LRRN3: variants seen among roughly 807,000 people sequenced by gnomAD.
LRRN3 encodes the protein leucine-rich repeat neuronal protein 3.
Under a neutral mutation model 40.1 loss-of-function variants are expected in LRRN3, and 15 were observed. That is an observed-to-expected ratio of 0.37 (90% CI 0.25 to 0.58). The LOEUF (loss-of-function observed/expected upper bound fraction) is 0.58, where lower values mean the gene tolerates loss of function less well. Among genes scored for constraint, LRRN3 ranks in the 20% least tolerant of loss-of-function variants. The pLI is 0.72. For synonymous variants in LRRN3, 308 were observed against 297.2 expected (o/e 1.04, Z -0.37); for missense variants, 746 against 837.7 (o/e 0.89, Z 1.35).
chr7:111,123,996 G>C lies in LRRN3; in HGVS notation c.1224G>C (p.Arg408=), dbSNP rs778483109. Residue 408 remains arginine, a synonymous_variant, in exon 3 of 3, where the codon CGG becomes CGC. Transcript: ENST00000308478. The surrounding 1 kb of genome is among the most constrained non-coding windows in gnomAD (Gnocchi z 6.4). ...CTGAATTCCAAGGTCAGAATGTTCG[G>C]CAAGTGCATTTCAGGGACATGATGG... ...DPPEFQGQNV[R]QVHFRDMMEI... 6.2e-7 allele frequency: 1 copy of C among 1,614,038 alleles called. No individual in the cohort carries two copies. Among genetic ancestry groups the C allele is most frequent in the Non-Finnish European group, 8.5e-7 (1 of 1,179,978 alleles).
chr7:111,106,552 C>T (rs214884), intron 2 of LRRN3, among the ~76,000 whole-genome samples: 135,365 of 151,492 alleles, frequency 0.89, 60,556 homozygotes, highest in East Asian at 0.93. Context: ...CTCACTGCCC[C>T]AGGCTTGAGT....
intron 1 of LRRN3, among the ~76,000 whole-genome samples, chr7:111,092,958 T>A (rs1159620011): frequency 6.6e-6 from 1 of 152,200 alleles, no homozygotes; most frequent in Non-Finnish European, 1.5e-5. Context: ...ATTTCAGAGC[T>A]ATTATTGGTT....
intron 2 of LRRN3, among the ~76,000 whole-genome samples, chr7:111,113,444 G>A (rs1187260359): frequency 6.6e-6 from 1 of 151,838 alleles, no homozygotes; most frequent in Non-Finnish European, 1.5e-5. Context: ...CTAGAGAGTA[G>A]TGCTTGCAAG....
chr7:111,107,602 A>C (rs1041016605), intron 2 of LRRN3, among the ~76,000 whole-genome samples: 13 of 152,140 alleles, frequency 8.5e-5, no homozygotes, highest in Non-Finnish European at 1.6e-4. Flanking sequence ...TTATCTGAAT[A>C]GAATTTTAGA....
At chr7:111,105,915 C>A (rs1336385056) in intron 2 of LRRN3, among the ~76,000 whole-genome samples, 1 of 151,904 alleles carries the variant, frequency 6.6e-6, no homozygotes, top group Admixed American at 6.6e-5. Context: ...TGTATCAAAT[C>A]TACGCATGAC....
At chr7:111,111,410 C>G (rs570398255) in intron 2 of LRRN3, among the ~76,000 whole-genome samples, 4 of 148,596 alleles carry the variant, frequency 2.7e-5, no homozygotes, top group East Asian at 4.0e-4. Flanking sequence ...CATCCCCCCC[C>G]AAAAAAAAAT....
intron 2 of LRRN3, among the ~76,000 whole-genome samples, chr7:111,113,208 C>G (rs529138853): frequency 6.6e-6 from 1 of 152,262 alleles, no homozygotes; most frequent in East Asian, 1.9e-4. Context: ...TGTCCACAGG[C>G]TTCCTTACCT....
chr7:111,115,043 A>G (rs1266790322), intron 2 of LRRN3, among the ~76,000 whole-genome samples: 1 of 152,168 alleles, frequency 6.6e-6, no homozygotes, highest in African/African-American at 2.4e-5. Flanking sequence ...TTATACTTCA[A>G]TCTAAGATGA....
Position 111,123,560 on chromosome 7 carries a change from A to G in LRRN3, c.788A>G (p.Lys263Arg). 1 of 1,613,770 alleles carries G rather than the reference A, an allele frequency of 6.2e-7. No homozygotes were observed. Among genetic ancestry groups the G allele is most frequent in the East Asian group, 2.2e-5 (1 of 44,848 alleles). Residue 263 changes from lysine to arginine, a missense_variant, in exon 3 of 3, where the codon AAA becomes AGA. Physicochemically the swap from Lys to Arg is conservative, Grantham distance 26 (BLOSUM62 2). Coordinates refer to ENST00000308478, the MANE Select transcript of LRRN3 (RefSeq NM_001099658.2). This position sits in a 1 kb window ranked among gnomAD's most constrained non-coding sequence, Gnocchi z 6.4. Reference protein sequence around the residue: ...HVALQKVVNLKFLDLNKNPIN... With the variant: ...HVALQKVVNLRFLDLNKNPIN... ...GCTCTTCAAAAAGTTGTAAATCTCA[A>G]ATTTTTGGATCTAAATAAAAATCCT...
intron 1 of LRRN3, among the ~76,000 whole-genome samples, chr7:111,099,307 A>G (rs571363975): frequency 6.6e-6 from 1 of 151,794 alleles, no homozygotes; most frequent in African/African-American, 2.4e-5. Context: ...TCTCTTTTAA[A>G]TGATGAAGAT....
chr7:111,120,451 G>GC (rs1158944351), intron 2 of LRRN3, among the ~76,000 whole-genome samples: 5 of 152,038 alleles, frequency 3.3e-5, no homozygotes, highest in African/African-American at 9.7e-5. Context: ...GGGGGAAACT[G>GC]CCCCCATGAT....
chr7:111,121,298 C>T (rs1800582795), intron 2 of LRRN3, among the ~76,000 whole-genome samples: 1 of 152,090 alleles, frequency 6.6e-6, no homozygotes, highest in South Asian at 2.1e-4. Flanking sequence ...TTCTCCCATT[C>T]TGTAGGTTGC....
At chr7:111,097,262 T>A (rs1037749534) in intron 1 of LRRN3, 1 of 151,952 alleles carries the variant, frequency 6.6e-6, no homozygotes, top group African/African-American at 2.4e-5. Context: ...AACAGCAGAA[T>A]GTGTTCTCCA....
rs1253470650 is a variant in LRRN3, at chr7:111,122,682, A to T, written c.-91A>T. On this transcript the variant is annotated 5_prime_UTR_variant, in exon 3 of 3. Coordinates refer to ENST00000308478, the MANE Select transcript of LRRN3 (RefSeq NM_001099658.2). ...CATTCATCATTTGACAAATGCAAGC[A>T]TCTTCCTTATCAATCAGCTCCTATT... 2 of 996,800 alleles carry T rather than the reference A, an allele frequency of 2.0e-6. No homozygotes were observed. Among genetic ancestry groups the T allele is most frequent in the Non-Finnish European group, 3.0e-6 (2 of 663,974 alleles). 61.7% of individuals were successfully genotyped at this position (996,800 alleles called of 1,614,324 possible).
At chr7:111,100,354 A>C (rs1457145213) in intron 2 of LRRN3, among the ~76,000 whole-genome samples, 1 of 150,200 alleles carries the variant, frequency 6.7e-6, no homozygotes, top group Non-Finnish European at 1.5e-5. Context: ...CTCTTTCTAC[A>C]GTTTTAAACT....
intron 2 of LRRN3, among the ~76,000 whole-genome samples, chr7:111,119,767 T>C (rs892906800): frequency 2.6e-5 from 4 of 152,006 alleles, no homozygotes; most frequent in Admixed American, 2.6e-4. Flanking sequence ...GCCCAGAAGA[T>C]AGGATGCAAA....
In LRRN3 at chr7:111,124,528, T is replaced by C. The variant is rs1027721587; in HGVS notation, c.1756T>C (p.Ser586Pro). The C allele has an allele frequency of 1.2e-6, 2 of 1,613,750 alleles. No individual in the cohort carries two copies. The highest frequency in any genetic ancestry group is 8.5e-7 in the Non-Finnish European group (1 of 1,179,856). Residue 586 changes from serine to proline, a missense_variant, in exon 3 of 3, where the codon TCA (serine) becomes CCA (proline). Ser to Pro is a moderately conservative substitution (Grantham distance 74, BLOSUM62 -1). Coordinates refer to ENST00000308478, the MANE Select transcript of LRRN3 (RefSeq NM_001099658.2). ...KVYNLTHLNP[S>P]TEYKICIDIP... The stretch of plus-strand genomic sequence containing the variant: ...ATATAATCTTACTCATCTGAATCCA[T>C]CAACTGAGTATAAAATTTGTATTGA...
At chr7:111,115,138 A>T (rs1799722816) in intron 2 of LRRN3, among the ~76,000 whole-genome samples, 1 of 152,194 alleles carries the variant, frequency 6.6e-6, no homozygotes, top group East Asian at 1.9e-4. Context: ...ATAACAAGGT[A>T]AATAAAAGAG....
chr7:111,124,239 A>G lies in LRRN3; in HGVS notation c.1467A>G (p.Lys489=). 1 of 1,613,994 alleles carries G rather than the reference A, an allele frequency of 6.2e-7. No individual in the cohort carries two copies. The highest frequency in any genetic ancestry group is 8.5e-7 in the Non-Finnish European group (1 of 1,179,976). The change falls in exon 3 of 3, where the codon AAA becomes AAG. Residue 489 remains lysine, a synonymous_variant. Coordinates refer to ENST00000308478, the MANE Select transcript of LRRN3 (RefSeq NM_001099658.2). ...GTLDINGVTP[K]EGGLYTCIAT... ...TAGATATAAATGGCGTAACTCCCAA[A>G]GAAGGGGGTTTATATACTTGTATAG...
Sources: allele counts gnomAD v4.1 joint callset (sites outside exome capture counted in the v4.1 genomes callset), GRCh38; gene constraint gnomAD v4.1.1; non-coding constraint Gnocchi (gnomAD v3.1); transcripts MANE v1.5; gene names NCBI Gene and HGNC (gene_info 2026-07-23, HGNC 2026-07-21).